Variants in VPS13B observed in about 807,000 individuals in gnomAD.
The protein encoded by VPS13B is intermembrane lipid transfer protein VPS13B.
VPS13B carries 285 observed loss-of-function variants against 426.4 expected under a neutral mutation model. The observed-to-expected ratio is 0.67, with a 90% confidence interval of 0.61 to 0.74. The LOEUF is 0.74. Among genes scored for constraint, VPS13B ranks in the 30% least tolerant of loss-of-function variants. The probability of loss-of-function intolerance (pLI) is 0.00; values close to 1 mark genes in which losing one functional copy is unlikely to be tolerated. For synonymous variants in VPS13B, 1,676 were observed against 1,676.4 expected, an observed-to-expected ratio of 1.00 and a Z score of 0.01; for missense variants, 4,537 against 4,782.6, an observed-to-expected ratio of 0.95 and a Z score of 1.51.
intron 33 of VPS13B, among the ~76,000 whole-genome samples, chr8:99,594,815 T>C (rs537784900): frequency 1.3e-4 from 20 of 151,964 alleles, no homozygotes; most frequent in Non-Finnish European, 2.4e-4. Flanking sequence ...CAGAAGGATG[T>C]GTGTATCCCA....
At chr8:99,424,198 A>C (rs1399214239) in intron 21 of VPS13B, 1 of 151,836 alleles carries the variant, frequency 6.6e-6, no homozygotes, top group African/African-American at 2.4e-5. Context: ...TTGTTGGTTT[A>C]AAGTCTGTTT....
At chr8:99,574,621 A>G (rs541507459) in intron 31 of VPS13B, among the ~76,000 whole-genome samples, 2 of 152,184 alleles carry the variant, frequency 1.3e-5, no homozygotes, top group African/African-American at 4.8e-5. Context: ...ATAATTTTAA[A>G]TTTCAGGTAA....
rs571988974 is a variant in VPS13B, at chr8:99,651,304, C to T, written c.5908+8806C>T. Among the ~76,000 whole-genome samples, 12 of 152,088 alleles carry T rather than the reference C, an allele frequency of 7.9e-5. 1 individual carries two copies. The South Asian group carries it at 2.3e-3, about 29-fold the overall frequency. On this transcript the variant is annotated intron_variant, in intron 34 of 61. Transcript: ENST00000357162. ...TTCATATTCTGCATAATTTACTGGT[C>T]CTAAATTATGCTGACTGTATCTTTA...
At chr8:99,760,843 A>G (rs1810892314) in intron 39 of VPS13B, among the ~76,000 whole-genome samples, 1 of 152,232 alleles carries the variant, frequency 6.6e-6, no homozygotes. Context: ...AATACAGTGT[A>G]ACAACTATTT....
intron 3 of VPS13B, among the ~76,000 whole-genome samples, chr8:99,049,006 T>G (rs1430667545): frequency 6.6e-6 from 1 of 152,220 alleles, no homozygotes; most frequent in East Asian, 1.9e-4. Flanking sequence ...GGTGTACATT[T>G]GCATAGAATG....
intron 13 of VPS13B, among the ~76,000 whole-genome samples, chr8:99,143,885 A>C (rs1431752619): frequency 6.6e-6 from 1 of 152,232 alleles, no homozygotes; most frequent in East Asian, 1.9e-4. Flanking sequence ...TTTCTATAAC[A>C]GAAGTAAAGA....
intron 17 of VPS13B, among the ~76,000 whole-genome samples, chr8:99,237,382 C>T (rs1816701915): frequency 6.6e-6 from 1 of 152,072 alleles, no homozygotes; most frequent in African/African-American, 2.4e-5. Flanking sequence ...AACATTTTAT[C>T]ACTGTTATCT....
At chr8:99,017,156 CAA>C (rs1841666198) in intron 2 of VPS13B, among the ~76,000 whole-genome samples, 1 of 152,130 alleles carries the variant, frequency 6.6e-6, no homozygotes, top group African/African-American at 2.4e-5. Flanking sequence ...TGATTCATCT[CAA>C]ATTTTTTTTC....
At chr8:99,364,443 T>G (rs1763901865) in intron 19 of VPS13B, among the ~76,000 whole-genome samples, 1 of 152,138 alleles carries the variant, frequency 6.6e-6, no homozygotes, top group Non-Finnish European at 1.5e-5. Context: ...TTTTTTGTTT[T>G]TGTTTTTGAG....
chr8:99,837,137 A>G (rs1379633796), intron 54 of VPS13B, among the ~76,000 whole-genome samples: 2 of 152,168 alleles, frequency 1.3e-5, no homozygotes, highest in African/African-American at 4.8e-5. Context: ...TGATCTGCTA[A>G]GGGAGAGAAG....
intron 19 of VPS13B, among the ~76,000 whole-genome samples, chr8:99,343,052 G>A (rs1413417648): frequency 6.6e-6 from 1 of 151,642 alleles, no homozygotes; most frequent in African/African-American, 2.4e-5. Flanking sequence ...CTTCTTTTGA[G>A]AGACACAAAT....
intron 25 of VPS13B, among the ~76,000 whole-genome samples, chr8:99,497,214 T>TAA (rs1820963453): frequency 7.1e-6 from 1 of 141,312 alleles, no homozygotes; most frequent in African/African-American, 2.6e-5. Flanking sequence ...ATTTAATATA[T>TAA]ATAAATACAT....
chr8:99,766,204 C>T (rs1374345347), intron 39 of VPS13B, among the ~76,000 whole-genome samples: 1 of 151,584 alleles, frequency 6.6e-6, no homozygotes, highest in Non-Finnish European at 1.5e-5. Context: ...CTCAGCCTCC[C>T]GAGTAGCTGG....
chr8:99,481,828 C>T (rs1187370803), intron 25 of VPS13B, 26 bp downstream of exon 25: 2 of 1,611,436 alleles, frequency 1.2e-6, no homozygotes, highest in Middle Eastern at 1.7e-4. Context: ...AATCCTGTTA[C>T]AAAATGAAGG....
intron 36 of VPS13B, among the ~76,000 whole-genome samples, chr8:99,712,298 G>A (rs750411397): frequency 1.8e-4 from 28 of 152,174 alleles, no homozygotes; most frequent in African/African-American, 3.1e-4. Context: ...CAGTTCCAAG[G>A]CCTTCATTTT....
At chr8:99,136,929 C>G (rs538525370) in intron 12 of VPS13B, among the ~76,000 whole-genome samples, 177 bp downstream of exon 12, 11 of 152,208 alleles carry the variant, frequency 7.2e-5, no homozygotes, top group African/African-American at 2.4e-4. Flanking sequence ...CTTGTCATTT[C>G]AAATCCATTC....
At chr8:99,441,333 T>G (rs762590571) in intron 22 of VPS13B, among the ~76,000 whole-genome samples, 21 of 152,108 alleles carry the variant, frequency 1.4e-4, no homozygotes, top group Non-Finnish European at 2.9e-4. Flanking sequence ...AATAGTATAT[T>G]AGGCCCAAGA....
At chr8:99,545,034 A>G (rs551418136) in intron 30 of VPS13B, among the ~76,000 whole-genome samples, 2 of 152,282 alleles carry the variant, frequency 1.3e-5, no homozygotes, top group African/African-American at 2.4e-5. Flanking sequence ...TGAAACAACT[A>G]TATCAAAACA....
chr8:99,031,382 G>T (rs2132194925), intron 2 of VPS13B, among the ~76,000 whole-genome samples: 1 of 152,006 alleles, frequency 6.6e-6, no homozygotes, highest in East Asian at 1.9e-4. Flanking sequence ...ATTCTTTTCA[G>T]GTATTTTATA....
Sources: gnomAD v4.1 joint callset for allele counts (sites outside exome capture counted in the v4.1 genomes callset) on GRCh38, gnomAD v4.1.1 for gene constraint, MANE v1.5 for transcripts, NCBI Gene and HGNC (gene_info 2026-07-23, HGNC 2026-07-21) for gene names.